The following RBFOX1 variants were observed in gnomAD, a reference collection of about 807,000 sequenced individuals.
The protein encoded by RBFOX1 is RNA binding fox-1 homolog 1.
In RBFOX1, 8 loss-of-function variants were observed where a neutral mutation model predicts 57.7. That is an observed-to-expected ratio of 0.14 (90% CI 0.08 to 0.25). The LOEUF is 0.25. Among genes scored for constraint, RBFOX1 ranks in the 10% least tolerant of loss-of-function variants. The pLI is 1.00. For synonymous variants in RBFOX1, 326 were observed against 222.4 expected, an observed-to-expected ratio of 1.47 and a Z score of -4.15; for missense variants, 611 against 548.5, an observed-to-expected ratio of 1.11 and a Z score of -1.14.
chr16:6,158,555 T>C (rs2096854924), intron 1 of RBFOX1, among the ~76,000 whole-genome samples: 3 of 152,252 alleles, frequency 2.0e-5, no homozygotes, highest in South Asian at 4.1e-4. Flanking sequence ...TTAGCCGTAA[T>C]GTTCTAGCAA....
intron 1 of RBFOX1, among the ~76,000 whole-genome samples, chr16:5,317,048 C>T (rs1021098744): frequency 6.6e-6 from 1 of 152,198 alleles, no homozygotes; most frequent in Non-Finnish European, 1.5e-5. Flanking sequence ...CTGGGACTTG[C>T]ACCGATAGCC....
At chr16:5,569,004 C>T (rs551503320) in intron 2 of RBFOX1, among the ~76,000 whole-genome samples, 25 of 140,024 alleles carry the variant, frequency 1.8e-4, no homozygotes, top group Non-Finnish European at 2.4e-4. Flanking sequence ...CCACGCCCGG[C>T]TAATTTTTGT....
At chr16:6,904,940 G>T (rs1449987829) in intron 3 of RBFOX1, among the ~76,000 whole-genome samples, 1 of 152,120 alleles carries the variant, frequency 6.6e-6, no homozygotes, top group Non-Finnish European at 1.5e-5. Context: ...CAATTTGCTG[G>T]GTAAACAAAA....
chr16:6,698,015 C>T (rs1036510257), intron 3 of RBFOX1, among the ~76,000 whole-genome samples: 1 of 152,148 alleles, frequency 6.6e-6, no homozygotes, highest in African/African-American at 2.4e-5. Context: ...TATTATCCTC[C>T]TCAGTAATTA....
intron 4 of RBFOX1, among the ~76,000 whole-genome samples, chr16:7,167,951 A>G (rs905353849): frequency 2.0e-5 from 3 of 152,168 alleles, no homozygotes; most frequent in Admixed American, 2.0e-4. Context: ...GGATGTTTGT[A>G]GTGAGAGTCT....
At chr16:7,153,419 A>AGG (rs1189109493) in intron 4 of RBFOX1, among the ~76,000 whole-genome samples, 2 of 152,056 alleles carry the variant, frequency 1.3e-5, no homozygotes, top group Admixed American at 6.5e-5. Flanking sequence ...TGGTTTAGGG[A>AGG]GGGAGGACAT....
rs115326327 is a variant in RBFOX1 at position 6,919,631 on chromosome 16, C to T, written c.-15-132426C>T. ...TCTTCGAACAAGTATCTGGAAATTC[C>T]GTCCTTTTTGTTGATGGAGAGATAA... On this transcript the variant is annotated intron_variant, in intron 3 of 15. Transcript: ENST00000550418. 8.8e-3 allele frequency among the ~76,000 whole-genome samples: 1,340 copies of T among 152,110 alleles called. 20 individuals carry two copies. The highest frequency in any genetic ancestry group is 0.03 in the African/African-American group (1,256 of 41,480).
At chr16:5,500,730 C>A (rs2043165819) in intron 2 of RBFOX1, among the ~76,000 whole-genome samples, 1 of 152,182 alleles carries the variant, frequency 6.6e-6, no homozygotes, top group Admixed American at 6.5e-5. Context: ...GTCTTATCAG[C>A]ATTTCTTAGT....
At chr16:6,124,516 T>G (rs553008432) in intron 1 of RBFOX1, among the ~76,000 whole-genome samples, 50 of 152,212 alleles carry the variant, frequency 3.3e-4, no homozygotes, top group Middle Eastern at 3.4e-3. Context: ...AATTTTTTCT[T>G]TTTTTTGAGA....
intron 3 of RBFOX1, among the ~76,000 whole-genome samples, chr16:5,766,240 C>G (rs116996750): frequency 6.6e-6 from 1 of 152,102 alleles, no homozygotes; most frequent in Non-Finnish European, 1.5e-5. Flanking sequence ...AGGGGCGTCT[C>G]ACATGGCCAC....
At chr16:7,645,368 C>A (rs1179970161) in intron 11 of RBFOX1, among the ~76,000 whole-genome samples, 2 of 152,088 alleles carry the variant, frequency 1.3e-5, no homozygotes, top group African/African-American at 2.4e-5. Context: ...CACTAATCAC[C>A]CACCAAGCAG....
At chr16:7,618,867 T>C (rs1431431077) in intron 10 of RBFOX1, among the ~76,000 whole-genome samples, 1 of 152,182 alleles carries the variant, frequency 6.6e-6, no homozygotes, top group African/African-American at 2.4e-5. Flanking sequence ...TCCATGGAAT[T>C]GTTATAACAC....
intron 2 of RBFOX1, among the ~76,000 whole-genome samples, chr16:6,604,899 C>G (rs9923390): frequency 0.97 from 148,207 of 152,252 alleles, 72,256 homozygotes; most frequent in East Asian, 1. Context: ...AGTTTTGGAA[C>G]CTTAGGCAGG....
At chr16:7,071,117 A>G (rs187587628) in intron 4 of RBFOX1, among the ~76,000 whole-genome samples, 61 of 152,192 alleles carry the variant, frequency 4.0e-4, no homozygotes, top group African/African-American at 1.3e-3. Flanking sequence ...ACACATTACA[A>G]TTTCTTCACA....
chr16:7,539,842 T>C (rs971821882), intron 5 of RBFOX1, among the ~76,000 whole-genome samples: 6 of 152,240 alleles, frequency 3.9e-5, no homozygotes, highest in African/African-American at 1.4e-4. Flanking sequence ...AGCATCCAGA[T>C]AGATGAGAAG....
intron 1 of RBFOX1, among the ~76,000 whole-genome samples, chr16:6,272,964 G>A (rs1187321946): frequency 1.3e-5 from 2 of 152,076 alleles, no homozygotes; most frequent in East Asian, 3.9e-4. Flanking sequence ...AAAACATTTA[G>A]TAAAGAAAAA....
At chr16:6,194,480 C>G (rs1354862809) in intron 1 of RBFOX1, among the ~76,000 whole-genome samples, 1 of 152,172 alleles carries the variant, frequency 6.6e-6, no homozygotes, top group Non-Finnish European at 1.5e-5. Flanking sequence ...TTCTCTCTTT[C>G]AAGAACAGCC....
chr16:5,452,328 C>G (rs190852277), intron 1 of RBFOX1, among the ~76,000 whole-genome samples: 3 of 151,818 alleles, frequency 2.0e-5, no homozygotes, highest in South Asian at 2.1e-4. Context: ...CTGCTGGTTT[C>G]AAACTCCTGG....
chr16:7,011,225 G>A (rs1470836269), intron 3 of RBFOX1, among the ~76,000 whole-genome samples: 1 of 152,028 alleles, frequency 6.6e-6, no homozygotes, highest in East Asian at 1.9e-4. Flanking sequence ...ACCATTCCAG[G>A]GCTGGTTCTA....
Sources: allele counts gnomAD v4.1 joint callset (sites outside exome capture counted in the v4.1 genomes callset), GRCh38; gene constraint gnomAD v4.1.1; transcripts MANE v1.5; gene names NCBI Gene and HGNC (gene_info 2026-07-23, HGNC 2026-07-21).